SIK2: variants seen among roughly 807,000 people sequenced by gnomAD.
SIK2 encodes the protein salt inducible kinase 2, also known as serine/threonine-protein kinase SIK2.
SIK2 carries 29 observed loss-of-function variants against 103.2 expected under a neutral mutation model. That is an observed-to-expected ratio of 0.28 (90% CI 0.21 to 0.38). The LOEUF (loss-of-function observed/expected upper bound fraction) is 0.38, where lower values mean the gene tolerates loss of function less well. Ranked by LOEUF, SIK2 falls within the 10% of genes least tolerant of loss-of-function variation. The pLI, the probability that SIK2 is intolerant of heterozygous loss-of-function variation, is 1.00. For missense variants in SIK2, 879 were observed against 1,171.0 expected, an observed-to-expected ratio of 0.75 and a Z score of 3.64; for synonymous variants, 412 against 446.1, an observed-to-expected ratio of 0.92 and a Z score of 0.96.
At chr11:111,659,786 C>A (rs1942443914) in intron 3 of SIK2, among the ~76,000 whole-genome samples, 2 of 152,094 alleles carry the variant, frequency 1.3e-5, no homozygotes, top group South Asian at 4.1e-4. Flanking sequence ...GTAATAAAAA[C>A]CTGATTCAAA....
rs1274915731 is a variant in SIK2 at position 111,616,326 on chromosome 11, G to A, written c.219G>A (p.Met73Ile). 5.0e-6 allele frequency: 8 copies of A among 1,612,288 alleles called. No individual in the cohort carries two copies. Among genetic ancestry groups the A allele is most frequent in the Admixed American group, 3.3e-5 (2 of 59,990 alleles). The change falls in exon 2 of 15, where the codon ATG (methionine) becomes ATA (isoleucine). Residue 73 changes from methionine (M) to isoleucine (I), a missense_variant. Physicochemically the swap from Met to Ile is conservative, Grantham distance 10. This residue lies in a region of SIK2 where 126 missense variants were observed against 245.5 expected (regional missense o/e 0.51). Coordinates refer to ENST00000304987, the MANE Select transcript of SIK2 (RefSeq NM_015191.3). The stretch of plus-strand genomic sequence containing the variant: ...ACCGAGAAGTACAAATAATGAAAAT[G>A]TTAGACCACCCTCACATAATCAAAC... ...KIYREVQIMKMLDHPHIIKLY... is the reference protein window; with the variant it reads ...KIYREVQIMKILDHPHIIKLY...
At chr11:111,643,681 C>T (rs1039815891) in intron 3 of SIK2, among the ~76,000 whole-genome samples, 5 of 151,054 alleles carry the variant, frequency 3.3e-5, no homozygotes, top group South Asian at 2.1e-4. Flanking sequence ...CATGGTGGTG[C>T]GCGCCTGTAC....
chr11:111,714,817 C>T (rs1943594338), intron 9 of SIK2, among the ~76,000 whole-genome samples: 2 of 152,152 alleles, frequency 1.3e-5, no homozygotes, highest in African/African-American at 4.8e-5. Flanking sequence ...AGGATGAGTC[C>T]ACTGCCTAGG....
At chr11:111,714,192 C>A (rs2135953853) in intron 9 of SIK2, among the ~76,000 whole-genome samples, 1 of 152,222 alleles carries the variant, frequency 6.6e-6, no homozygotes, top group Middle Eastern at 3.4e-3. Flanking sequence ...AAGCCTAAGT[C>A]CATCTCCATA....
intron 3 of SIK2, among the ~76,000 whole-genome samples, chr11:111,655,738 A>G (rs1373198113): frequency 1.3e-5 from 2 of 152,120 alleles, no homozygotes; most frequent in East Asian, 1.9e-4. Flanking sequence ...CTTTCTTGCT[A>G]TTTTACAATT....
chr11:111,614,446 C>G (rs1246717184), intron 1 of SIK2, among the ~76,000 whole-genome samples: 5 of 152,160 alleles, frequency 3.3e-5, no homozygotes, highest in African/African-American at 7.2e-5. Context: ...ATAACAGAAA[C>G]AGTCCATTAA....
chr11:111,676,165 A>G (rs557921744), intron 3 of SIK2, among the ~76,000 whole-genome samples: 3 of 152,258 alleles, frequency 2.0e-5, no homozygotes, highest in South Asian at 2.1e-4. Flanking sequence ...ACCACCATTT[A>G]TGGGCGTCTA....
intron 3 of SIK2, among the ~76,000 whole-genome samples, chr11:111,629,555 A>G (rs1490184896): frequency 6.6e-6 from 1 of 152,212 alleles, no homozygotes; most frequent in Non-Finnish European, 1.5e-5. Flanking sequence ...TAATATCAGG[A>G]CAGTTAGTTT....
chr11:111,712,185 ACTGT>A (rs1943514952), intron 8 of SIK2, 22 bp from the exon 9 acceptor site: 1 of 1,606,540 alleles, frequency 6.2e-7, no homozygotes. Flanking sequence ...ATGTTCCCAA[ACTGT>A]CTGTTCTTGC....
chr11:111,694,433 G>A (rs560839912), intron 4 of SIK2, among the ~76,000 whole-genome samples: 2 of 152,122 alleles, frequency 1.3e-5, no homozygotes, highest in Admixed American at 1.3e-4. Context: ...AGCCCAAGAG[G>A]AATGCTTCCT....
chr11:111,675,196 A>C (rs1942686779), intron 3 of SIK2, among the ~76,000 whole-genome samples: 2 of 152,240 alleles, frequency 1.3e-5, no homozygotes, highest in Non-Finnish European at 2.9e-5. Context: ...CCCTCATTCT[A>C]CATATGCTTT....
At chr11:111,635,156 T>C (rs12791699) in intron 3 of SIK2, among the ~76,000 whole-genome samples, 91,890 of 151,766 alleles carry the variant, frequency 0.61, 31,072 homozygotes, top group East Asian at 0.96. Context: ...CTCCCTCCCA[T>C]CTTTGTTTAA....
chr11:111,640,990 T>C (rs944826607), intron 3 of SIK2, among the ~76,000 whole-genome samples: 3 of 152,110 alleles, frequency 2.0e-5, no homozygotes, highest in Non-Finnish European at 2.9e-5. Context: ...AGTTACAAAC[T>C]CGGTGCCAGT....
At chr11:111,622,345 T>TC (rs1941900608) in intron 3 of SIK2, among the ~76,000 whole-genome samples, 1 of 129,636 alleles carries the variant, frequency 7.7e-6, no homozygotes, top group Admixed American at 9.7e-5. Context: ...AAGCTCCGCC[T>TC]CCCAGGTTCA....
chr11:111,686,917 T>C (rs1225450477), intron 3 of SIK2, among the ~76,000 whole-genome samples: 1 of 152,246 alleles, frequency 6.6e-6, no homozygotes, highest in Non-Finnish European at 1.5e-5. Context: ...GTGTGAATTA[T>C]TTAAGCTACT....
At chr11:111,650,656 T>G (rs1942316146) in intron 3 of SIK2, among the ~76,000 whole-genome samples, 1 of 152,172 alleles carries the variant, frequency 6.6e-6, no homozygotes, top group Admixed American at 6.5e-5. Context: ...TTCATACCTC[T>G]TATAATTCAA....
rs757340357 is a variant in SIK2, at chr11:111,721,020, G to A, written c.1902G>A (p.Pro634=). The A allele has an allele frequency of 8.1e-6, 13 of 1,613,902 alleles. No homozygotes were observed. Among genetic ancestry groups the A allele is most frequent in the Admixed American group, 3.3e-5 (2 of 59,994 alleles). ...IGPEADPNLA[P]AAPQLQDLAS... The stretch of plus-strand genomic sequence containing the variant: ...CGGAGGCAGACCCTAACCTGGCGCC[G>A]GCGGCTCCTCAGCTCCAGGACCTTG... Residue 634 remains proline, a synonymous_variant, in exon 12 of 15, where the codon CCG becomes CCA. Coordinates refer to ENST00000304987, the MANE Select transcript of SIK2 (RefSeq NM_015191.3).
Position 111,723,667 on chromosome 11 carries a change from C to T in SIK2, c.2319C>T (p.Pro773=). The T allele has an allele frequency of 6.2e-7, 1 of 1,614,172 alleles. No homozygotes were observed. The highest frequency in any genetic ancestry group is 2.2e-5 in the East Asian group (1 of 44,876). ...CCCCACCGTTCAGCCTGACCCAGCC[C>T]CTGAGCCCCGTCCTGGAGCCTTCCT... is the stretch of plus-strand genomic sequence containing the variant. ...QQAPPFSLTQ[P]LSPVLEPSSE... Residue 773 remains proline, a synonymous_variant, in exon 15 of 15, where the codon CCC becomes CCT. Coordinates refer to ENST00000304987, the MANE Select transcript of SIK2 (RefSeq NM_015191.3).
At chr11:111,627,778 G>A (rs1385976752) in intron 3 of SIK2, among the ~76,000 whole-genome samples, 3 of 152,102 alleles carry the variant, frequency 2.0e-5, no homozygotes, top group African/African-American at 7.2e-5. Context: ...AGGGTGTTAT[G>A]TTCCCAATGT....
Sources: allele counts gnomAD v4.1 joint callset (sites outside exome capture counted in the v4.1 genomes callset), GRCh38; gene constraint gnomAD v4.1.1; regional missense constraint gnomAD v4.1.1; transcripts MANE v1.5; gene names NCBI Gene and HGNC (gene_info 2026-07-23, HGNC 2026-07-21).